LPP: variants seen among roughly 807,000 people sequenced by gnomAD.
LPP encodes lipoma-preferred partner.
LPP carries 38 observed loss-of-function variants against 60.4 expected under a neutral mutation model. That is an observed-to-expected ratio of 0.63 (90% CI 0.49 to 0.83). LPP has a LOEUF of 0.83. Ranked by LOEUF, LPP falls within the 40% of genes least tolerant of loss-of-function variation. The probability of loss-of-function intolerance (pLI) is 0.00; values close to 1 mark genes in which losing one functional copy is unlikely to be tolerated. For missense variants in LPP, 902 were observed against 783.6 expected, an observed-to-expected ratio of 1.15 and a Z score of -1.80; for synonymous variants, 328 against 290.8, an observed-to-expected ratio of 1.13 and a Z score of -1.30.
At chr3:188,396,973 G>T (rs1338280486) in intron 3 of LPP, among the ~76,000 whole-genome samples, 1 of 152,174 alleles carries the variant, frequency 6.6e-6, no homozygotes. Flanking sequence ...CATTTTCTTG[G>T]TTACTTTGCC....
At chr3:188,510,698 T>C (rs1815198857) in intron 5 of LPP, among the ~76,000 whole-genome samples, 1 of 152,202 alleles carries the variant, frequency 6.6e-6, no homozygotes, top group African/African-American at 2.4e-5. Flanking sequence ...TTGAGTCTGC[T>C]CTTACTCTAT....
intron 9 of LPP, among the ~76,000 whole-genome samples, chr3:188,825,902 G>A (rs533145828): frequency 2.2e-4 from 34 of 152,132 alleles, no homozygotes; most frequent in Admixed American, 1.7e-3. Context: ...CGTAGGACAC[G>A]TTTTTTTCTC....
In LPP at chr3:188,750,276, C is replaced by G. The variant is rs543705101; in HGVS notation, c.1241-9837C>G. 4.5e-4 allele frequency among the ~76,000 whole-genome samples: 69 copies of G among 152,298 alleles called. 1 individual carries two copies. The South Asian group carries it at 0.014, about 32-fold the overall frequency. On this transcript the variant is annotated intron_variant, in intron 8 of 11. Transcript: ENST00000617246. The stretch of plus-strand genomic sequence containing the variant: ...AACCAATTCAAATCATAGCACACAT[C>G]TTTTCTAAAATGGAAAGGGTAATAT...
chr3:188,571,878 C>T (rs1047280830), intron 6 of LPP, among the ~76,000 whole-genome samples: 1 of 152,066 alleles, frequency 6.6e-6, no homozygotes, highest in Admixed American at 6.6e-5. Context: ...TCACATATGT[C>T]ATCAATTCTG....
intron 6 of LPP, chr3:188,553,919 C>G (rs182220543): frequency 6.6e-6 from 1 of 152,172 alleles, no homozygotes; most frequent in Non-Finnish European, 1.5e-5. Flanking sequence ...GGTGCCCACA[C>G]TATATCTGAT....
chr3:188,476,971 C>T (rs749328310), intron 4 of LPP, among the ~76,000 whole-genome samples: 10 of 152,144 alleles, frequency 6.6e-5, no homozygotes, highest in Non-Finnish European at 1.0e-4. Flanking sequence ...AGGAGTTTCA[C>T]GCTGTAGAAA....
intron 8 of LPP, among the ~76,000 whole-genome samples, chr3:188,753,580 C>CGCGTGT (rs1553829911): frequency 7.2e-6 from 1 of 139,560 alleles, no homozygotes; most frequent in Admixed American, 7.2e-5. Flanking sequence ...TTGTTGTGTG[C>CGCGTGT]GTGTGTGTGT....
At chr3:188,529,519 T>G (rs746526353) in intron 6 of LPP, among the ~76,000 whole-genome samples, 5 of 152,198 alleles carry the variant, frequency 3.3e-5, no homozygotes, top group Non-Finnish European at 5.9e-5. Flanking sequence ...GGTAAGAGGT[T>G]CCAAGGAGCT....
intron 2 of LPP, among the ~76,000 whole-genome samples, chr3:188,262,678 TCTC>T (rs969008464): frequency 6.6e-6 from 1 of 151,896 alleles, no homozygotes; most frequent in Non-Finnish European, 1.5e-5. Context: ...CAGTTCTCTT[TCTC>T]CTCTTCTTTC....
At position 188,877,782 on chromosome 3, in the gene LPP, G is replaced by A. The variant is rs1472690405; in HGVS notation, c.*3303G>A. The A allele has an allele frequency of 2.3e-5, 5 of 213,026 alleles. No individual in the cohort carries two copies. The Admixed American group carries it at 2.9e-4, about 12-fold the overall frequency. 13.2% of individuals were successfully genotyped at this position (213,026 alleles called of 1,614,324 possible). Reference sequence around the variant, plus strand: ...AATAATCGACTCAAAAATAAGTCATGTGTCCCAGCATAAGGCATCAGGTTG... The same window carrying A: ...AATAATCGACTCAAAAATAAGTCATATGTCCCAGCATAAGGCATCAGGTTG... On this transcript the variant is annotated 3_prime_UTR_variant, in exon 12 of 12. Coordinates refer to ENST00000617246, the MANE Select transcript of LPP (RefSeq NM_001375462.1).
In LPP at chr3:188,547,061, G is replaced by A. The variant is rs200534559; in HGVS notation, c.429+22274G>A. 5.3e-5 allele frequency among the ~76,000 whole-genome samples: 8 copies of A among 152,268 alleles called. No homozygotes were observed. The East Asian group carries it at 1.5e-3, about 29-fold the overall frequency. On this transcript the variant is annotated intron_variant, in intron 6 of 11. Coordinates refer to ENST00000617246, the MANE Select transcript of LPP (RefSeq NM_001375462.1). ...GAACAAGGCTGTATGGATGCCTAGCGGAAGGTGCTCCAATATTCTCCTGGA... is the reference window on the plus strand; with the variant it reads ...GAACAAGGCTGTATGGATGCCTAGCAGAAGGTGCTCCAATATTCTCCTGGA...
chr3:188,244,932 T>A (rs1455108691), intron 2 of LPP, among the ~76,000 whole-genome samples: 1 of 152,198 alleles, frequency 6.6e-6, no homozygotes, highest in Non-Finnish European at 1.5e-5. Flanking sequence ...AATGATTTTG[T>A]ATCTCCTTAC....
intron 6 of LPP, among the ~76,000 whole-genome samples, chr3:188,585,912 G>A (rs1265630303): frequency 6.6e-6 from 1 of 152,154 alleles, no homozygotes; most frequent in African/African-American, 2.4e-5. Flanking sequence ...TACAGGCTGT[G>A]CATCCATCTT....
intron 4 of LPP, among the ~76,000 whole-genome samples, chr3:188,460,849 T>A: frequency 6.6e-6 from 1 of 152,090 alleles, no homozygotes; most frequent in East Asian, 1.9e-4. Flanking sequence ...AAGTTTACTG[T>A]CCCCCAGCCA....
At chr3:188,640,546 G>T (rs1482492465) in intron 7 of LPP, among the ~76,000 whole-genome samples, 1 of 148,412 alleles carries the variant, frequency 6.7e-6, no homozygotes, top group East Asian at 2.0e-4. Flanking sequence ...TAAAAGTTTG[G>T]GACGAAAAAA....
chr3:188,623,308 G>C (rs1217632556), intron 7 of LPP, among the ~76,000 whole-genome samples: 1 of 149,070 alleles, frequency 6.7e-6, no homozygotes, highest in Non-Finnish European at 1.5e-5. Context: ...CCCAGGCTAG[G>C]GTGCAGTGGC....
At chr3:188,257,913 C>T (rs1283759903) in intron 2 of LPP, among the ~76,000 whole-genome samples, 2 of 152,244 alleles carry the variant, frequency 1.3e-5, no homozygotes, top group Admixed American at 6.5e-5. Flanking sequence ...CCTATATCCA[C>T]CTTCCACCCA....
At chr3:188,795,316 T>G (rs1745008969) in intron 9 of LPP, among the ~76,000 whole-genome samples, 1 of 152,218 alleles carries the variant, frequency 6.6e-6, no homozygotes, top group African/African-American at 2.4e-5. Context: ...TCTCAGGGAT[T>G]TAACACAATG....
chr3:188,508,163 C>G (rs1251051140), intron 5 of LPP, among the ~76,000 whole-genome samples: 1 of 151,998 alleles, frequency 6.6e-6, no homozygotes, highest in Non-Finnish European at 1.5e-5. Context: ...AGAAGGGGAA[C>G]AAGAATCAAA....
Sources: allele counts gnomAD v4.1 joint callset (sites outside exome capture counted in the v4.1 genomes callset), GRCh38; gene constraint gnomAD v4.1.1; transcripts MANE v1.5; gene names NCBI Gene and HGNC (gene_info 2026-07-23, HGNC 2026-07-21).